FSTL4: variants seen among roughly 807,000 people sequenced by gnomAD.
FSTL4 encodes the protein follistatin like 4.
In FSTL4, 28 loss-of-function variants were observed where a neutral mutation model predicts 78.2. The observed-to-expected ratio is 0.36, with a 90% CI of 0.27 to 0.49. The LOEUF is 0.49. Among genes scored for constraint, FSTL4 ranks in the 20% least tolerant of loss-of-function variants. FSTL4 has a pLI of 0.98. For synonymous variants in FSTL4, 422 were observed against 440.5 expected, an observed-to-expected ratio of 0.96 and a Z score of 0.53; for missense variants, 922 against 1,084.9, an observed-to-expected ratio of 0.85 and a Z score of 2.11.
At chr5:133,331,850 C>G (rs1434470273) in intron 4 of FSTL4, among the ~76,000 whole-genome samples, 1 of 152,160 alleles carries the variant, frequency 6.6e-6, no homozygotes, top group Non-Finnish European at 1.5e-5. Flanking sequence ...TGAGAAGGCT[C>G]TCCTTCCCCG....
chr5:133,199,723 G>A lies in FSTL4; in HGVS notation c.1901C>T (p.Thr634Ile), dbSNP rs1389481027. Residue 634 changes from threonine (T) to isoleucine (I), a missense_variant, in exon 16 of 16, where the codon ACC (threonine) becomes ATC (isoleucine). Thr to Ile is a moderately conservative substitution (Grantham distance 89, BLOSUM62 -1). Transcript: ENST00000265342. This position sits in a 1 kb window ranked among gnomAD's most constrained non-coding sequence, Gnocchi z 4.4. ...GCAGCCATGGTGGTGCAGGCCGATG[G>A]TCTTGAGGGGCATCATTGTTTCCAG... is the stretch of plus-strand genomic sequence containing the variant. ...VDLETMMPLK[T>I]IGLHHHGCVP... 2.5e-6 allele frequency: 4 copies of A among 1,609,744 alleles called. No homozygotes were observed. In the Admixed American group the frequency reaches 5.1e-5, roughly 20 times the overall value.
chr5:133,287,263 C>CCG, intron 6 of FSTL4, among the ~76,000 whole-genome samples: 1 of 152,094 alleles, frequency 6.6e-6, no homozygotes, highest in South Asian at 2.1e-4. Context: ...TGGCGGGCGC[C>CCG]TGTAGTCCCA....
chr5:133,777,316 T>C, the FSTL4 span, among the ~76,000 whole-genome samples: 3 of 152,192 alleles, frequency 2.0e-5, no homozygotes, highest in Non-Finnish European at 4.4e-5. Flanking sequence ...ACAGTATGCT[T>C]ATGTAAAATG....
At chr5:133,590,603 A>G (rs1202892438) in intron 2 of FSTL4, among the ~76,000 whole-genome samples, 1 of 152,118 alleles carries the variant, frequency 6.6e-6, no homozygotes, top group Non-Finnish European at 1.5e-5. Context: ...ACCTCAAAGC[A>G]GCTGCACTAA....
chr5:133,447,345 T>C (rs1431601658), intron 3 of FSTL4, among the ~76,000 whole-genome samples: 1 of 152,208 alleles, frequency 6.6e-6, no homozygotes, highest in Non-Finnish European at 1.5e-5. Context: ...CAAACTTTTA[T>C]CTGATGAATC....
chr5:133,621,145 AATCCCAGCACTTTGGG>A, the FSTL4 span, among the ~76,000 whole-genome samples: 1 of 152,234 alleles, frequency 6.6e-6, no homozygotes, highest in Non-Finnish European at 1.5e-5. Flanking sequence ...TCATGCCTGT[AATCCCAGCACTTTGGG>A]AGGCCGAGGT....
chr5:133,609,798 A>G (rs1051859937), intron 1 of FSTL4, among the ~76,000 whole-genome samples: 1 of 152,190 alleles, frequency 6.6e-6, no homozygotes, highest in African/African-American at 2.4e-5. Context: ...TATCCTTACA[A>G]CCTTCAGCTC....
rs1440769396 is a variant in FSTL4 at position 133,426,157 on chromosome 5, T to C, written c.161-25171A>G. Among the ~76,000 whole-genome samples, 2 of 152,116 alleles carry C rather than the reference T, an allele frequency of 1.3e-5. No individual in the cohort carries two copies. The highest frequency in any genetic ancestry group is 2.9e-5 in the Non-Finnish European group (2 of 68,026). ...AGTGTGCCTTTGATCTCAAAAGAAG[T>C]CATCTTTCCCAGTTAGGAATTTTTA... is the stretch of plus-strand genomic sequence containing the variant. On this transcript the variant is annotated intron_variant, in intron 3 of 15. Transcript: ENST00000265342. The surrounding 1 kb of genome is among the most constrained non-coding windows in gnomAD (Gnocchi z 5.0).
chr5:133,764,008 C>T, the FSTL4 span, among the ~76,000 whole-genome samples: 8 of 152,192 alleles, frequency 5.3e-5, no homozygotes, highest in East Asian at 1.9e-4. Flanking sequence ...AGTCCCTGCC[C>T]GTGGCATCCA....
At chr5:133,443,246 G>C (rs1038835501) in intron 3 of FSTL4, among the ~76,000 whole-genome samples, 1 of 152,220 alleles carries the variant, frequency 6.6e-6, no homozygotes, top group Non-Finnish European at 1.5e-5. Flanking sequence ...TCCTATCTGA[G>C]ATTTCTTCCA....
the FSTL4 span, among the ~76,000 whole-genome samples, chr5:133,668,843 T>A: frequency 6.6e-6 from 1 of 152,212 alleles, no homozygotes; most frequent in Non-Finnish European, 1.5e-5. Flanking sequence ...GTGCATTAGA[T>A]GAATTCTGAA....
chr5:133,239,809 C>T (rs1751779192), intron 7 of FSTL4, among the ~76,000 whole-genome samples: 1 of 152,052 alleles, frequency 6.6e-6, no homozygotes, highest in South Asian at 2.1e-4. Context: ...CTAGTGGGGA[C>T]CGTGGAGAAC....
chr5:133,506,108 C>G (rs927759365), intron 3 of FSTL4, among the ~76,000 whole-genome samples: 26 of 152,158 alleles, frequency 1.7e-4, no homozygotes, highest in African/African-American at 6.3e-4. Flanking sequence ...AGAGCTGTCA[C>G]CCAAACCCAC....
chr5:133,460,272 C>T (rs1757567134), intron 3 of FSTL4, among the ~76,000 whole-genome samples: 1 of 152,126 alleles, frequency 6.6e-6, no homozygotes, highest in Admixed American at 6.5e-5. Flanking sequence ...AGAACCTGGA[C>T]ACCCTCCACC....
chr5:133,520,447 G>A (rs1758955686), intron 3 of FSTL4, among the ~76,000 whole-genome samples: 1 of 151,984 alleles, frequency 6.6e-6, no homozygotes, highest in South Asian at 2.1e-4. Context: ...GGGTGGGAGG[G>A]GCCAGAGGAG....
At chr5:133,512,750 G>A (rs1758760911) in intron 3 of FSTL4, among the ~76,000 whole-genome samples, 1 of 152,186 alleles carries the variant, frequency 6.6e-6, no homozygotes, top group Non-Finnish European at 1.5e-5. Flanking sequence ...TGATGCTGCA[G>A]TAGCCTTAGT....
chr5:133,418,967 T>C (rs371299647), intron 3 of FSTL4, among the ~76,000 whole-genome samples: 5 of 152,326 alleles, frequency 3.3e-5, no homozygotes, highest in East Asian at 1.9e-4. Flanking sequence ...GGATTTCCTA[T>C]AATTTTATAT....
At chr5:133,813,822 G>A in the FSTL4 span, among the ~76,000 whole-genome samples, 11 of 152,226 alleles carry the variant, frequency 7.2e-5, no homozygotes, top group African/African-American at 2.4e-4. Flanking sequence ...TTCACTGAGA[G>A]ACTATTATAG....
chr5:133,805,649 G>C, the FSTL4 span, among the ~76,000 whole-genome samples: 3 of 152,288 alleles, frequency 2.0e-5, no homozygotes, highest in South Asian at 6.2e-4. Context: ...TGGCACTGTG[G>C]GAGAAGAATT....
Sources: allele counts gnomAD v4.1 joint callset (sites outside exome capture counted in the v4.1 genomes callset), GRCh38; gene constraint gnomAD v4.1.1; non-coding constraint Gnocchi (gnomAD v3.1); transcripts MANE v1.5; gene names NCBI Gene and HGNC (gene_info 2026-07-23, HGNC 2026-07-21).